PCDH15: variants seen among roughly 807,000 people sequenced by gnomAD.
PCDH15 encodes the protein protocadherin-15.
A neutral mutation model predicts 178.5 loss-of-function variants in PCDH15; 129 were observed. The observed-to-expected ratio is 0.72, with a 90% CI of 0.63 to 0.84. The LOEUF is 0.84. PCDH15 is among the 40% of genes least tolerant of loss of function. PCDH15 has a pLI of 0.00. For synonymous variants in PCDH15, 800 were observed against 732.0 expected (o/e 1.09, Z -1.50); for missense variants, 2,230 against 2,099.9 (o/e 1.06, Z -1.21).
chr10:55,286,501 G>GA (rs1554849698), intron 1 of PCDH15, among the ~76,000 whole-genome samples: 1 of 141,196 alleles, frequency 7.1e-6, no homozygotes, highest in Non-Finnish European at 1.6e-5. Context: ...GTCTATGAGG[G>GA]TTTTTTTTTT....
intron 2 of PCDH15, among the ~76,000 whole-genome samples, chr10:55,016,273 C>T (rs1688188075): frequency 6.6e-6 from 1 of 152,018 alleles, no homozygotes; most frequent in African/African-American, 2.4e-5. Flanking sequence ...ATTACACTCT[C>T]CTAGTTACTT....
At chr10:53,865,026 A>G (rs533187141) in intron 27 of PCDH15, among the ~76,000 whole-genome samples, 148 of 152,108 alleles carry the variant, frequency 9.7e-4, no homozygotes, top group Non-Finnish European at 1.3e-3. Context: ...GCTTGAGCCC[A>G]GGATTTTGAG....
At chr10:55,528,243 A>T (rs1209655670) in intron 2 of PCDH15, among the ~76,000 whole-genome samples, 1 of 151,174 alleles carries the variant, frequency 6.6e-6, no homozygotes, top group Non-Finnish European at 1.5e-5. Context: ...TATTTTTATT[A>T]TACTTTAAGT....
chr10:55,100,680 T>C (rs528948973), intron 2 of PCDH15, among the ~76,000 whole-genome samples: 1 of 152,138 alleles, frequency 6.6e-6, no homozygotes, highest in South Asian at 2.1e-4. Flanking sequence ...ACTAATAAAG[T>C]GAGAAATCAT....
intron 2 of PCDH15, among the ~76,000 whole-genome samples, chr10:54,628,738 G>A (rs1286582648): frequency 6.6e-6 from 1 of 152,044 alleles, no homozygotes; most frequent in Admixed American, 6.6e-5. Context: ...ATATGACATG[G>A]TTCTTGAGTC....
intron 2 of PCDH15, among the ~76,000 whole-genome samples, chr10:55,050,701 C>T (rs1423923150): frequency 6.6e-6 from 1 of 151,928 alleles, no homozygotes; most frequent in Admixed American, 6.6e-5. Context: ...CCTTAAAATC[C>T]CTTCTTATCT....
intron 26 of PCDH15, among the ~76,000 whole-genome samples, chr10:53,884,477 C>T (rs1162140702): frequency 2.0e-5 from 3 of 152,140 alleles, no homozygotes; most frequent in Non-Finnish European, 4.4e-5. Flanking sequence ...AACTCCAAGC[C>T]CCCATGCAGA....
At chr10:55,076,142 T>C in intron 2 of PCDH15, among the ~76,000 whole-genome samples, 1 of 152,206 alleles carries the variant, frequency 6.6e-6, no homozygotes, top group East Asian at 1.9e-4. Flanking sequence ...ACTTGTTTTG[T>C]AATCTAACAT....
At chr10:54,670,544 C>T (rs2050547) in intron 1 of PCDH15, among the ~76,000 whole-genome samples, 131,880 of 152,116 alleles carry the variant, frequency 0.87, 57,827 homozygotes, top group Middle Eastern at 0.93. Context: ...AATTAATCTG[C>T]TTATGTTTAA....
rs189889866 is a variant in PCDH15, at chr10:54,308,469, G to T, written c.876+8802C>A. Among the ~76,000 whole-genome samples, 18 of 151,766 alleles carry T rather than the reference G, an allele frequency of 1.2e-4. No individual in the cohort carries two copies. The East Asian group carries it at 3.5e-3, about 29-fold the overall frequency. On this transcript the variant is annotated intron_variant, in intron 8 of 37. Coordinates refer to ENST00000644397, the MANE Select transcript of PCDH15 (RefSeq NM_001384140.1). ...CCTCCTTAATAGTTATTTTATACCT[G>T]TTTCTTATTATTTATTTATTCCACT...
intron 2 of PCDH15, among the ~76,000 whole-genome samples, chr10:54,643,343 G>A (rs2094038309): frequency 6.6e-6 from 1 of 152,244 alleles, no homozygotes; most frequent in East Asian, 1.9e-4. Flanking sequence ...ACTCTGAAAG[G>A]ATGCTCACCA....
intron 2 of PCDH15, among the ~76,000 whole-genome samples, chr10:55,125,139 G>C (rs1328654186): frequency 7.0e-6 from 1 of 142,832 alleles, no homozygotes; most frequent in East Asian, 2.0e-4. Flanking sequence ...TCAAAATTAG[G>C]ATACTTTTTG....
At chr10:54,453,765 CA>C (rs2076633726) in intron 3 of PCDH15, among the ~76,000 whole-genome samples, 1 of 151,846 alleles carries the variant, frequency 6.6e-6, no homozygotes, top group Admixed American at 6.6e-5. Flanking sequence ...AAAGCAGCTA[CA>C]AACCAACCAG....
chr10:54,216,324 C>T (rs912356462), intron 9 of PCDH15, among the ~76,000 whole-genome samples: 9 of 151,880 alleles, frequency 5.9e-5, no homozygotes, highest in Non-Finnish European at 1.0e-4. Flanking sequence ...GGCGTGATGG[C>T]GCACGCCTGT....
intron 9 of PCDH15, among the ~76,000 whole-genome samples, chr10:54,230,313 A>G (rs574474329): frequency 3.9e-4 from 60 of 152,296 alleles, no homozygotes; most frequent in African/African-American, 1.4e-3. Flanking sequence ...ATAAGTGTTC[A>G]GTTATAAGAA....
intron 8 of PCDH15, among the ~76,000 whole-genome samples, chr10:54,311,704 T>C (rs1441802348): frequency 4.6e-5 from 7 of 152,094 alleles, no homozygotes; most frequent in Non-Finnish European, 7.4e-5. Flanking sequence ...CAGATGTATA[T>C]ATTTATGTGT....
At chr10:55,257,355 G>A (rs1231142337) in intron 1 of PCDH15, among the ~76,000 whole-genome samples, 2 of 152,140 alleles carry the variant, frequency 1.3e-5, no homozygotes, top group Admixed American at 6.5e-5. Flanking sequence ...CACCAGCAAC[G>A]GAACAAAGCT....
chr10:54,912,441 C>T (rs1954833952), intron 2 of PCDH15, among the ~76,000 whole-genome samples: 1 of 152,080 alleles, frequency 6.6e-6, no homozygotes, highest in South Asian at 2.1e-4. Flanking sequence ...GCAACTTCCC[C>T]TGCTCTCTCC....
At chr10:54,663,676 A>C (rs1444414844) in intron 2 of PCDH15, among the ~76,000 whole-genome samples, 1 of 135,410 alleles carries the variant, frequency 7.4e-6, no homozygotes, top group Non-Finnish European at 1.6e-5. Flanking sequence ...ATCTTTTTTC[A>C]TTTTTCTATT....
Sources: gnomAD v4.1 joint callset for allele counts (sites outside exome capture counted in the v4.1 genomes callset) on GRCh38, gnomAD v4.1.1 for gene constraint, MANE v1.5 for transcripts, NCBI Gene and HGNC (gene_info 2026-07-23, HGNC 2026-07-21) for gene names.